Variants in PPP4R3A observed in about 807,000 individuals in gnomAD.
The protein encoded by PPP4R3A is serine/threonine-protein phosphatase 4 regulatory subunit 3A.
Under a neutral mutation model 91.7 loss-of-function variants are expected in PPP4R3A, and 15 were observed. The observed-to-expected ratio is 0.16, with a 90% CI of 0.11 to 0.25. The LOEUF is 0.25. PPP4R3A is among the 10% of genes least tolerant of loss of function. PPP4R3A has a pLI of 1.00. For missense variants in PPP4R3A, 623 were observed against 998.4 expected, an observed-to-expected ratio of 0.62 and a Z score of 5.07; for synonymous variants, 377 against 348.7, an observed-to-expected ratio of 1.08 and a Z score of -0.91.
chr14:91,490,705 A>G, intron 2 of PPP4R3A, 42 bp downstream of exon 2: 1 of 1,531,564 alleles, frequency 6.5e-7, no homozygotes, highest in Non-Finnish European at 9.0e-7. Flanking sequence ...CATTTACTCA[A>G]AAGGAAAATA....
At chr14:91,508,027 A>G (rs1891521772) in intron 1 of PPP4R3A, among the ~76,000 whole-genome samples, 1 of 152,216 alleles carries the variant, frequency 6.6e-6, no homozygotes, top group Non-Finnish European at 1.5e-5. Flanking sequence ...TGATACAAAA[A>G]GTCCATACCT....
intron 4 of PPP4R3A, 134 bp downstream of exon 4, chr14:91,481,442 A>T (rs1245890418): frequency 1.1e-6 from 1 of 937,572 alleles, no homozygotes; most frequent in Non-Finnish European, 1.5e-6. Flanking sequence ...ATTGTATATT[A>T]TAATCTCTTA....
intron 6 of PPP4R3A, 75 bp downstream of exon 6, chr14:91,476,332 AT>A: frequency 9.3e-7 from 1 of 1,069,644 alleles, no homozygotes; most frequent in East Asian, 2.4e-5. Flanking sequence ...ATAATAGAAT[AT>A]TTGCATGTAG....
chr14:91,481,542 C>A, intron 4 of PPP4R3A, 34 bp downstream of exon 4: 1 of 1,505,352 alleles, frequency 6.6e-7, no homozygotes, highest in South Asian at 1.4e-5. Context: ...CGCTGCATCT[C>A]TTGAAATATG....
At chr14:91,490,883 T>TAAA (rs35564814) in intron 1 of PPP4R3A, 81 bp from the exon 2 acceptor site, 4 of 511,738 alleles carry the variant, frequency 7.8e-6, no homozygotes, top group African/African-American at 4.4e-5. Flanking sequence ...CATATTTCCT[T>TAAA]AAAAAAAATA....
At chr14:91,460,879 A>G (rs1888107227) in intron 14 of PPP4R3A, among the ~76,000 whole-genome samples, 1 of 152,104 alleles carries the variant, frequency 6.6e-6, no homozygotes, top group South Asian at 2.1e-4. Flanking sequence ...TCAGCCTCCC[A>G]AAGTGCTGGG....
chr14:91,475,713 T>G (rs1889157787), intron 7 of PPP4R3A, 98 bp downstream of exon 7: 1 of 1,246,930 alleles, frequency 8.0e-7, no homozygotes, highest in Non-Finnish European at 1.1e-6. Context: ...TGGCTACACT[T>G]TTCCCAAACA....
chr14:91,503,482 G>A (rs1268489969), intron 1 of PPP4R3A, among the ~76,000 whole-genome samples: 1 of 152,088 alleles, frequency 6.6e-6, no homozygotes, highest in African/African-American at 2.4e-5. Flanking sequence ...AGAGATGGGG[G>A]GTCTCACTTT....
At chr14:91,499,473 C>A (rs909497662) in intron 1 of PPP4R3A, among the ~76,000 whole-genome samples, 2 of 151,796 alleles carry the variant, frequency 1.3e-5, no homozygotes, top group Non-Finnish European at 2.9e-5. Flanking sequence ...GAGGTGTTTA[C>A]AATTAGGAAA....
At chr14:91,473,433 T>G in intron 7 of PPP4R3A, 63 bp from the exon 8 acceptor site, 1 of 1,530,918 alleles carries the variant, frequency 6.5e-7, no homozygotes, top group Non-Finnish European at 8.8e-7. Flanking sequence ...AAGCAAAAAC[T>G]AAGACACATA....
At chr14:91,493,982 T>C (rs1890388704) in intron 1 of PPP4R3A, among the ~76,000 whole-genome samples, 1 of 150,286 alleles carries the variant, frequency 6.7e-6, no homozygotes, top group Non-Finnish European at 1.5e-5. Context: ...CAGGCTGGTC[T>C]TGAATTCCCA....
Position 91,481,975 on chromosome 14 carries a change from C to T in PPP4R3A, c.516G>A (p.Lys172=). ...CACACACATGAAAAAGCTCCAGGAG[C>T]TTTTTAATATAACCCTCATTTTCTA... ...LALENEGYIK[K]LLELFHVCED... Residue 172 remains lysine (K), a synonymous_variant, in exon 4 of 15, where the codon AAG becomes AAA. Transcript: ENST00000554943. 3 of 1,614,054 alleles carry T rather than the reference C, an allele frequency of 1.9e-6. No individual in the cohort carries two copies. In the South Asian group the frequency reaches 3.3e-5, roughly 18 times the overall value.
intron 4 of PPP4R3A, among the ~76,000 whole-genome samples, 183 bp downstream of exon 4, chr14:91,481,393 C>T (rs1889548824): frequency 6.6e-6 from 1 of 152,160 alleles, no homozygotes; most frequent in South Asian, 2.1e-4. Flanking sequence ...ACTTACCTCT[C>T]CTACCCCAGA....
rs1460108378 is a variant in PPP4R3A, at chr14:91,458,225, G to C, written c.*534C>G. ...TGCAGTTTGAAGGGCAAAGGGAACA[G>C]TTAAAAAAGAGGAAAACTTTATACT... On this transcript the variant is annotated 3_prime_UTR_variant, in exon 15 of 15. Coordinates refer to ENST00000554943, the MANE Select transcript of PPP4R3A (RefSeq NM_001366432.2). The C allele has an allele frequency of 6.5e-6, 1 of 154,046 alleles. No homozygotes were observed. The allele number at this position is 154,046 out of a possible 1,614,324, so 9.5% of individuals were successfully genotyped here.
intron 1 of PPP4R3A, among the ~76,000 whole-genome samples, chr14:91,506,587 T>C (rs1319026137): frequency 1.3e-5 from 2 of 152,144 alleles, no homozygotes; most frequent in Non-Finnish European, 2.9e-5. Flanking sequence ...TGACAGGGTC[T>C]CCCTCTGTCA....
intron 10 of PPP4R3A, among the ~76,000 whole-genome samples, chr14:91,467,064 A>C (rs1888521242): frequency 6.6e-6 from 1 of 152,174 alleles, no homozygotes; most frequent in Non-Finnish European, 1.5e-5. Flanking sequence ...CTTCTTCCAG[A>C]GCACTTCTAT....
chr14:91,476,832 T>C, intron 5 of PPP4R3A, 77 bp downstream of exon 5: 4 of 1,276,918 alleles, frequency 3.1e-6, no homozygotes, highest in Non-Finnish European at 4.4e-6. Context: ...CCCAAAGTGC[T>C]GGGATTTACA....
chr14:91,495,647 T>C (rs1477481740), intron 1 of PPP4R3A, among the ~76,000 whole-genome samples: 2 of 151,994 alleles, frequency 1.3e-5, no homozygotes, highest in Admixed American at 1.3e-4. Context: ...AAACAATGAA[T>C]TGTACATTTT....
chr14:91,481,726 A>C lies in PPP4R3A; in HGVS notation c.765T>G (p.Pro255=). ...TCTGATGAATTTTTTGTTTCAGCTC[A>C]GGATCTGATATGGGAATCACTTCTT... ...KFKEVIPISD[P]ELKQKIHQTY... Residue 255 remains proline, a synonymous_variant, in exon 4 of 15, where the codon CCT becomes CCG. Transcript: ENST00000554943. 1.2e-6 allele frequency: 2 copies of C among 1,614,142 alleles called. No homozygotes were observed. Among genetic ancestry groups the C allele is most frequent in the Non-Finnish European group, 1.7e-6 (2 of 1,180,014 alleles).
Sources: gnomAD v4.1 joint callset for allele counts (sites outside exome capture counted in the v4.1 genomes callset) on GRCh38, gnomAD v4.1.1 for gene constraint, MANE v1.5 for transcripts, NCBI Gene and HGNC (gene_info 2026-07-23, HGNC 2026-07-21) for gene names.